Variants in KRTAP10-6 observed in about 807,000 individuals in gnomAD.
The protein encoded by KRTAP10-6 is keratin-associated protein 10-6.
KRTAP10-6 carries 1 observed loss-of-function variant against 0.5 expected under a neutral mutation model. The ratio of observed to expected loss-of-function variants is 1.92; its 90% CI spans 0.68 to 9.09. The LOEUF (loss-of-function observed/expected upper bound fraction) is 9.09. Among genes scored for constraint, KRTAP10-6 ranks in the 30% most tolerant of loss-of-function variants. KRTAP10-6 has a pLI of 0.13. For missense variants in KRTAP10-6, 337 were observed against 464.2 expected (o/e 0.73, Z 2.52); for synonymous variants, 136 against 196.5 (o/e 0.69, Z 2.58).
In KRTAP10-6 at chr21:44,591,946, C is replaced by T. The variant is rs1979927848; in HGVS notation, c.539G>A (p.Ser180Asn). 1 of 1,602,396 alleles carries T rather than the reference C, an allele frequency of 6.2e-7. No homozygotes were observed. The highest frequency in any genetic ancestry group is 8.5e-7 in the Non-Finnish European group (1 of 1,177,912). The change falls in exon 1 of 1, where the codon AGC becomes AAC. Residue 180 changes from serine (S) to asparagine (N), a missense_variant. Transcript: ENST00000400368. Reference protein sequence around the residue: ...SSCCQQSSCVSCVSSPCCQAV... With the variant: ...SSCCQQSSCVNCVSSPCCQAV... ...CTGGCAGCAGGGGCTGGACACACAGCTCACACAGCTAGACTGCTGGCAGCA... is the reference window on the plus strand; with the variant it reads ...CTGGCAGCAGGGGCTGGACACACAGTTCACACAGCTAGACTGCTGGCAGCA...
At position 44,591,669 on chromosome 21, in the gene KRTAP10-6, C is replaced by T; in HGVS notation, c.816G>A (p.Val272=). The T allele has an allele frequency of 1.3e-6, 2 of 1,585,976 alleles. No individual in the cohort carries two copies. Among genetic ancestry groups the T allele is most frequent in the Non-Finnish European group, 1.7e-6 (2 of 1,160,256 alleles). ...TSSPCQHACC[V]PVCSGASTSC... is the part of the protein sequence containing the mutation. ...ATGTGGAAGCCCCAGAGCAGACGGG[C>T]ACACAGCAGGCGTGCTGGCAGGGGG... Residue 272 remains valine (V), a synonymous_variant, in exon 1 of 1, where the codon GTG becomes GTA. Coordinates refer to ENST00000400368, the MANE Select transcript of KRTAP10-6 (RefSeq NM_198688.3).
Position 44,591,774 on chromosome 21 carries a change from C to T in KRTAP10-6, c.711G>A (p.Val237=), listed in dbSNP as rs200431969. 3.2e-6 allele frequency: 5 copies of T among 1,575,908 alleles called. No individual in the cohort carries two copies. The highest frequency in any genetic ancestry group is 4.3e-6 in the Non-Finnish European group (5 of 1,165,326). Residue 237 remains valine (V), a synonymous_variant, in exon 1 of 1, where the codon GTG becomes GTA. Transcript: ENST00000400368. ...CCTCAGAGCAGGTGGGCACACAGCA[C>T]ACAGGCACGCAGCAGACGGGCACGC... ...ACCVPVCCVP[V]CCVPTCSEDS...
Position 44,592,328 on chromosome 21 carries a change from G to C in KRTAP10-6, c.157C>G (p.Leu53Val). ...EPPCCAPAPC[L>V]SLVCTPVSRV... ...CTCACTGGGGTGCAGACCAGGCTCA[G>C]GCAGGGGGCCGGGGCGCAGCAGGGG... The change falls in exon 1 of 1, where the codon CTG (leucine) becomes GTG (valine). Residue 53 changes from leucine (L) to valine (V), a missense_variant. Transcript: ENST00000400368. 7.8e-7 allele frequency: 1 copy of C among 1,286,774 alleles called. No individual in the cohort carries two copies. Among genetic ancestry groups the C allele is most frequent in the African/African-American group, 1.8e-5 (1 of 56,048 alleles). 79.7% of individuals were successfully genotyped at this position (1,286,774 alleles called of 1,614,324 possible).
rs1247585971 is a variant in KRTAP10-6 at position 44,592,441 on chromosome 21, T to C, written c.44A>G (p.Tyr15Cys). Residue 15 changes from tyrosine (Y) to cysteine (C), a missense_variant, in exon 1 of 1, where the codon TAC becomes TGC. Around this residue, in one of 3 missense-constraint regions of KRTAP10-6, gnomAD observed 32 missense variants for 30.6 expected, o/e 1.04. Coordinates refer to ENST00000400368, the MANE Select transcript of KRTAP10-6 (RefSeq NM_198688.3). ...TMSVCSSDLS[Y>C]GSRVCLPGSC... is the part of the protein sequence containing the mutation. ...ACCAGGAAGGCAGACGCGGCTGCCGTAGCTCAGGTCGCTGGAGCAGACGGA... is the reference window on the plus strand; with the variant it reads ...ACCAGGAAGGCAGACGCGGCTGCCGCAGCTCAGGTCGCTGGAGCAGACGGA... 5 of 1,611,076 alleles carry C rather than the reference T, an allele frequency of 3.1e-6. No homozygotes were observed. In the African/African-American group the frequency reaches 4.0e-5, roughly 13 times the overall value.
chr21:44,591,478 C>T lies in KRTAP10-6; in HGVS notation c.1007G>A (p.Arg336His), dbSNP rs587619493. ...SASSCQPSCC[R>H]TASCVSLLCR... ...GAGGAGGGAAACACAGGAGGCCGTG[C>T]GGCAGCAGCTGGGCTGGCAGGAGGA... The change falls in exon 1 of 1, where the codon CGC becomes CAC. Residue 336 changes from arginine (R) to histidine (H), a missense_variant. This residue lies in a region of KRTAP10-6 where 218 missense variants were observed against 225.3 expected (regional missense o/e 0.97). Transcript: ENST00000400368. The T allele has an allele frequency of 9.3e-6, 15 of 1,613,962 alleles. No homozygotes were observed. Among genetic ancestry groups the T allele is most frequent in the African/African-American group, 5.3e-5 (4 of 74,928 alleles).
rs782320164 is a variant in KRTAP10-6 at position 44,592,402 on chromosome 21, C to T, written c.83G>A (p.Cys28Tyr). 15 of 1,599,332 alleles carry T rather than the reference C, an allele frequency of 9.4e-6. No individual in the cohort carries two copies. Among genetic ancestry groups the T allele is most frequent in the Middle Eastern group, 1.7e-4 (1 of 5,878 alleles). The change falls in exon 1 of 1, where the codon TGC becomes TAC. Residue 28 changes from cysteine (C) to tyrosine (Y), a missense_variant. Cys to Tyr is a radical substitution (Grantham distance 194, BLOSUM62 -2). Around this residue, in one of 3 missense-constraint regions of KRTAP10-6, gnomAD observed 87 missense variants for 208.2 expected, o/e 0.42. Transcript: ENST00000400368. ...RVCLPGSCDS[C>Y]SDSWQVDDCP... ...GTCGTCCACCTGCCAGGAGTCGGAG[C>T]AAGAGTCACAGGAACCAGGAAGGCA... is the stretch of plus-strand genomic sequence containing the variant.
Position 44,591,392 on chromosome 21 carries a change from A to C in KRTAP10-6, c.1093T>G (p.Cys365Gly), listed in dbSNP as rs782665269. The change falls in exon 1 of 1, where the codon TGC (cysteine) becomes GGC (glycine). Residue 365 changes from cysteine to glycine, a missense_variant. By Grantham distance (159) the Cys-to-Gly change is radical (BLOSUM62 -3). Transcript: ENST00000400368. Reference protein sequence around the residue: ...YSLCSGQKSSC With the variant: ...YSLCSGQKSSG Reference sequence around the variant, plus strand: ...CCGGATCACATCCAGGGCTGTCAGCAGCTGGACTTCTGGCCAGAGCAGAGG... The same window carrying C: ...CCGGATCACATCCAGGGCTGTCAGCCGCTGGACTTCTGGCCAGAGCAGAGG... 1.9e-6 allele frequency: 3 copies of C among 1,604,952 alleles called. No individual in the cohort carries two copies. Among genetic ancestry groups the C allele is most frequent in the Non-Finnish European group, 2.6e-6 (3 of 1,174,618 alleles).
At position 44,591,440 on chromosome 21, in the gene KRTAP10-6, A is replaced by G. The variant is rs1979824085; in HGVS notation, c.1045T>C (p.Cys349Arg). 6.2e-7 allele frequency: 1 copy of G among 1,613,902 alleles called. No homozygotes were observed. Among genetic ancestry groups the G allele is most frequent in the Admixed American group, 1.7e-5 (1 of 60,024 alleles). Residue 349 changes from cysteine to arginine, a missense_variant, in exon 1 of 1, where the codon TGC becomes CGC. By Grantham distance (180) the Cys-to-Arg change is radical. Transcript: ENST00000400368. Reference sequence around the variant, plus strand: ...AGGCTGTAGCAGGCAGGGCGGGAGCACATGGGGCGGCAGAGGAGGGAAACA... The same window carrying G: ...AGGCTGTAGCAGGCAGGGCGGGAGCGCATGGGGCGGCAGAGGAGGGAAACA... ...SCVSLLCRPM[C>R]SRPACYSLCS...
Position 44,591,295 on chromosome 21 carries a change from G to C in KRTAP10-6, c.*92C>G. Reference sequence around the variant, plus strand: ...AGACAAAGAGCCTGCCCCATCTTCTGAGGGTGTCAAAGCCAGAGAGGGCAG... The same window carrying C: ...AGACAAAGAGCCTGCCCCATCTTCTCAGGGTGTCAAAGCCAGAGAGGGCAG... On this transcript the variant is annotated 3_prime_UTR_variant, in exon 1 of 1. Coordinates refer to ENST00000400368, the MANE Select transcript of KRTAP10-6 (RefSeq NM_198688.3). 6.7e-7 allele frequency: 1 copy of C among 1,490,366 alleles called. No homozygotes were observed. The highest frequency in any genetic ancestry group is 2.3e-5 in the Admixed American group (1 of 44,248). The allele number at this position is 1,490,366 out of a possible 1,614,324, so 92.3% of individuals were successfully genotyped here. A position where few individuals can be genotyped will look rare whatever the true frequency, so the allele number is the denominator to read the frequency against.
Position 44,591,531 on chromosome 21 carries a change from C to T in KRTAP10-6, c.954G>A (p.Val318=), listed in dbSNP as rs782172745. The T allele has an allele frequency of 1.2e-6, 2 of 1,613,080 alleles. No homozygotes were observed. The highest frequency in any genetic ancestry group is 4.5e-5 in the East Asian group (2 of 44,046). Residue 318 remains valine, a synonymous_variant, in exon 1 of 1, where the codon GTG becomes GTA. Coordinates refer to ENST00000400368, the MANE Select transcript of KRTAP10-6 (RefSeq NM_198688.3). Reference sequence around the variant, plus strand: ...CAGAGGCACCACAGGAGGGGACGGGCACGCAGCAGGTGGACTTGCACACAG... The same window carrying T: ...CAGAGGCACCACAGGAGGGGACGGGTACGCAGCAGGTGGACTTGCACACAG... ...CHPVCKSTCC[V]PVPSCGASAS... is the part of the protein sequence containing the mutation.
chr21:44,591,601 G>A lies in KRTAP10-6; in HGVS notation c.884C>T (p.Ala295Val). The change falls in exon 1 of 1, where the codon GCC becomes GTC. Residue 295 changes from alanine (A) to valine (V), a missense_variant. Coordinates refer to ENST00000400368, the MANE Select transcript of KRTAP10-6 (RefSeq NM_198688.3). ...QSSCQPACCT[A>V]SCCRSSSSVS... ...GGAGGAGGAGGATCTGCAGCAGGAG[G>A]CGGTGCAGCAAGCCGGCTGGCAGCT... 1 of 1,613,692 alleles carries A rather than the reference G, an allele frequency of 6.2e-7. No homozygotes were observed. Among genetic ancestry groups the A allele is most frequent in the Non-Finnish European group, 8.5e-7 (1 of 1,179,824 alleles).
At position 44,591,567 on chromosome 21, in the gene KRTAP10-6, G is replaced by C; in HGVS notation, c.918C>G (p.Leu306=). The change falls in exon 1 of 1, where the codon CTC becomes CTG. Residue 306 remains leucine, a synonymous_variant. Transcript: ENST00000400368. ...SCCRSSSSVS[L]LCHPVCKSTC... ...TGGACTTGCACACAGGGTGGCAGAG[G>C]AGGGACACGGAGGAGGAGGATCTGC... 2.5e-6 allele frequency: 4 copies of C among 1,613,432 alleles called. No homozygotes were observed. The highest frequency in any genetic ancestry group is 3.4e-6 in the Non-Finnish European group (4 of 1,179,678).
At position 44,591,616 on chromosome 21, in the gene KRTAP10-6, G is replaced by A. The variant is rs782632803; in HGVS notation, c.869C>T (p.Pro290Leu). The A allele has an allele frequency of 1.1e-5, 17 of 1,613,304 alleles. No individual in the cohort carries two copies. The highest frequency in any genetic ancestry group is 2.7e-5 in the African/African-American group (2 of 74,850). The part of the protein sequence containing the change: ...TSCCQQSSCQ[P>L]ACCTASCCRS... Reference sequence around the variant, plus strand: ...GCAGCAGGAGGCGGTGCAGCAAGCCGGCTGGCAGCTAGACTGCTGGCAGCA... The same window carrying A: ...GCAGCAGGAGGCGGTGCAGCAAGCCAGCTGGCAGCTAGACTGCTGGCAGCA... The change falls in exon 1 of 1, where the codon CCG becomes CTG. Residue 290 changes from proline (P) to leucine (L), a missense_variant. Pro to Leu is a moderately conservative substitution (Grantham distance 98, BLOSUM62 -3). Transcript: ENST00000400368.
At position 44,591,858 on chromosome 21, in the gene KRTAP10-6, G is replaced by A. The variant is rs1979904616; in HGVS notation, c.627C>T (p.Cys209=). The change falls in exon 1 of 1, where the codon TGC becomes TGT. Residue 209 remains cysteine (C), a synonymous_variant. Transcript: ENST00000400368. ...AAGTTGGCTGGCAGCTAGACTGCTG[G>A]CAGCATGAGGGTGTGCAGGAGCTGG... ...GCTSSCTPSC[C]QQSSCQPTCC... 6.2e-7 allele frequency: 1 copy of A among 1,606,312 alleles called. No homozygotes were observed. Among genetic ancestry groups the A allele is most frequent in the South Asian group, 1.1e-5 (1 of 90,520 alleles).
Position 44,591,798 on chromosome 21 carries a change from G to GCAGCAGACGGGCACA in KRTAP10-6, c.686_687insTGTGCCCGTCTGCTG (p.Val237_Pro241dup), listed in dbSNP as rs1569206198. 1 of 1,586,146 alleles carries GCAGCAGACGGGCACA rather than the reference G, an allele frequency of 6.3e-7. No homozygotes were observed. Among genetic ancestry groups the GCAGCAGACGGGCACA allele is most frequent in the Admixed American group, 1.7e-5 (1 of 58,258 alleles). ...ACACAGGCACGCAGCAGACGGGCAC[G>GCAGCAGACGGGCACA]CAGCAGGCCTGCTGGCAGGGGGAGG... On this transcript the variant is annotated inframe_insertion, in exon 1 of 1. Transcript: ENST00000400368.
Position 44,591,792 on chromosome 21 carries a change from G to C in KRTAP10-6, c.693C>G (p.Pro231=). 1 of 1,586,204 alleles carries C rather than the reference G, an allele frequency of 6.3e-7. No homozygotes were observed. The highest frequency in any genetic ancestry group is 8.6e-7 in the Non-Finnish European group (1 of 1,167,832). ...CACAGCACACAGGCACGCAGCAGACGGGCACGCAGCAGGCCTGCTGGCAGG... is the reference window on the plus strand; with the variant it reads ...CACAGCACACAGGCACGCAGCAGACCGGCACGCAGCAGGCCTGCTGGCAGG... ...SSPCQQACCV[P]VCCVPVCCVP... is the part of the protein sequence containing the mutation. Residue 231 remains proline (P), a synonymous_variant, in exon 1 of 1, where the codon CCC becomes CCG. Transcript: ENST00000400368.
Position 44,591,457 on chromosome 21 carries a change from A to T in KRTAP10-6, c.1028T>A (p.Leu343His), listed in dbSNP as rs782203146. 27 of 1,614,010 alleles carry T rather than the reference A, an allele frequency of 1.7e-5. No individual in the cohort carries two copies. Among genetic ancestry groups the T allele is most frequent in the Non-Finnish European group, 2.1e-5 (25 of 1,180,004 alleles). ...GCGGGAGCACATGGGGCGGCAGAGG[A>T]GGGAAACACAGGAGGCCGTGCGGCA... ...SCCRTASCVS[L>H]LCRPMCSRPA... The change falls in exon 1 of 1, where the codon CTC (leucine) becomes CAC (histidine). Residue 343 changes from leucine to histidine, a missense_variant. Coordinates refer to ENST00000400368, the MANE Select transcript of KRTAP10-6 (RefSeq NM_198688.3).
In KRTAP10-6 at chr21:44,591,340, G is replaced by A; in HGVS notation, c.*47C>T. ...GGGCAGAGCTTGCTGGGGCAGCTGGGAGGTCAGCCCCTGGTGGGAAGGGAC... is the reference window on the plus strand; with the variant it reads ...GGGCAGAGCTTGCTGGGGCAGCTGGAAGGTCAGCCCCTGGTGGGAAGGGAC... On this transcript the variant is annotated 3_prime_UTR_variant, in exon 1 of 1. Transcript: ENST00000400368. The A allele has an allele frequency of 6.4e-7, 1 of 1,558,688 alleles. No individual in the cohort carries two copies. Among genetic ancestry groups the A allele is most frequent in the Non-Finnish European group, 8.7e-7 (1 of 1,150,084 alleles).
At position 44,591,546 on chromosome 21, in the gene KRTAP10-6, C is replaced by G. The variant is rs1490896266; in HGVS notation, c.939G>C (p.Lys313Asn). ...SVSLLCHPVC[K>N]STCCVPVPSC... is the part of the protein sequence containing the mutation. Reference sequence around the variant, plus strand: ...AGGGGACGGGCACGCAGCAGGTGGACTTGCACACAGGGTGGCAGAGGAGGG... The same window carrying G: ...AGGGGACGGGCACGCAGCAGGTGGAGTTGCACACAGGGTGGCAGAGGAGGG... Residue 313 changes from lysine to asparagine, a missense_variant, in exon 1 of 1, where the codon AAG (lysine) becomes AAC (asparagine). Coordinates refer to ENST00000400368, the MANE Select transcript of KRTAP10-6 (RefSeq NM_198688.3). 8.1e-6 allele frequency: 13 copies of G among 1,613,914 alleles called. No homozygotes were observed. Among genetic ancestry groups the G allele is most frequent in the Non-Finnish European group, 1.1e-5 (13 of 1,179,974 alleles).
Sources: allele counts gnomAD v4.1 joint callset, GRCh38; gene constraint gnomAD v4.1.1; regional missense constraint gnomAD v4.1.1; transcripts MANE v1.5; gene names NCBI Gene and HGNC (gene_info 2026-07-23, HGNC 2026-07-21).